The following STOX2 variants were observed in gnomAD, a reference collection of about 807,000 sequenced individuals.
The protein encoded by STOX2 is storkhead box 2.
Under a neutral mutation model 60.9 loss-of-function variants are expected in STOX2, and 28 were observed. The observed-to-expected ratio is 0.46, with a 90% CI of 0.34 to 0.63. The LOEUF is 0.63. Among genes scored for constraint, STOX2 ranks in the 30% least tolerant of loss-of-function variants. STOX2 has a pLI of 0.01. For missense variants in STOX2, 1,024 were observed against 1,187.7 expected (o/e 0.86, Z 2.03); for synonymous variants, 472 against 463.9 (o/e 1.02, Z -0.22).
At chr4:183,830,954 A>T (rs1739551682) in intron 1 of STOX2, among the ~76,000 whole-genome samples, 1 of 146,542 alleles carries the variant, frequency 6.8e-6, no homozygotes, top group Admixed American at 7.0e-5. Context: ...TTTCAGTTTC[A>T]AAGTTGCAGG....
chr4:183,999,001 G>A (rs1733468094), intron 1 of STOX2, among the ~76,000 whole-genome samples: 1 of 151,960 alleles, frequency 6.6e-6, no homozygotes, highest in African/African-American at 2.4e-5. Flanking sequence ...CTATGATTGT[G>A]CCATTTCACT....
At chr4:183,844,810 G>A (rs75471923) in intron 1 of STOX2, among the ~76,000 whole-genome samples, 1,721 of 152,262 alleles carry the variant, frequency 0.011, 49 homozygotes, top group East Asian at 0.11. Context: ...TGAGCACCTC[G>A]CCTACTATGT....
chr4:183,962,315 A>T (rs1043623570), intron 1 of STOX2, among the ~76,000 whole-genome samples: 1 of 152,106 alleles, frequency 6.6e-6, no homozygotes, highest in African/African-American at 2.4e-5. Context: ...GTGTAACTAT[A>T]TAGTAATCGT....
At chr4:183,938,982 A>G (rs898246256) in intron 1 of STOX2, among the ~76,000 whole-genome samples, 1 of 152,256 alleles carries the variant, frequency 6.6e-6, no homozygotes, top group Non-Finnish European at 1.5e-5. Context: ...TTAAAAATGC[A>G]GGCCATTAAT....
At chr4:183,962,050 G>T (rs543069234) in intron 1 of STOX2, among the ~76,000 whole-genome samples, 1 of 152,314 alleles carries the variant, frequency 6.6e-6, no homozygotes, top group East Asian at 1.9e-4. Flanking sequence ...ATAAACATTT[G>T]ATTGTTCTGT....
rs112717934 is a variant in STOX2 at position 184,010,896 on chromosome 4, C to G, written c.2058C>G (p.Ala686=). ...GACGCCTCGTCCAGCACCATGGTGC[C>G]GAGCCCAGCAGCTTGGACAAGAGGA... The part of the protein sequence containing the change: ...ANGRLVQHHG[A]EPSSLDKRKE... Residue 686 remains alanine (A), a synonymous_variant, in exon 3 of 4, where the codon GCC becomes GCG. Coordinates refer to ENST00000308497, the MANE Select transcript of STOX2 (RefSeq NM_020225.3). This position sits in a 1 kb window ranked among gnomAD's most constrained non-coding sequence, Gnocchi z 4.5. The G allele has an allele frequency of 6.0e-5, 97 of 1,612,626 alleles. No individual in the cohort carries two copies. Among genetic ancestry groups the G allele is most frequent in the Non-Finnish European group, 7.4e-5 (87 of 1,179,348 alleles).
intron 1 of STOX2, among the ~76,000 whole-genome samples, chr4:183,994,373 A>G (rs1390501828): frequency 6.6e-6 from 1 of 152,256 alleles, no homozygotes; most frequent in Non-Finnish European, 1.5e-5. Context: ...AACAAAGCTG[A>G]GCAAGACTTT....
In STOX2 at chr4:183,874,985, ATATAT is replaced by A. The variant is rs1560857908; in HGVS notation, c.364+76931_364+76935del. Among the ~76,000 whole-genome samples the A allele has an allele frequency of 6.9e-3, 701 of 101,886 alleles. 11 individuals are homozygous for A. The highest frequency in any genetic ancestry group is 0.015 in the African/African-American group (348 of 23,654). 66.8% of individuals were successfully genotyped at this position (101,886 alleles called of 152,430 possible). On this transcript the variant is annotated intron_variant, in intron 1 of 2. Coordinates refer to the STOX2 transcript ENST00000513034. ...TATATATATATATATATATATATATATATATATAAAACTTAGAATTTTGCAGTGTG... is the reference window on the plus strand; with the variant it reads ...TATATATATATATATATATATATATAATAAAACTTAGAATTTTGCAGTGTG...
At chr4:183,905,041 G>C (rs76494170), upstream of STOX2, among the ~76,000 whole-genome samples, 5,375 of 152,312 alleles carry the variant, frequency 0.035, 98 homozygotes, top group Middle Eastern at 0.088. Context: ...CGCTGAAAAA[G>C]GAAATCGGGC....
intron 1 of STOX2, among the ~76,000 whole-genome samples, chr4:183,852,032 G>A (rs377370833): frequency 1.8e-5 from 1 of 55,516 alleles, no homozygotes; most frequent in Admixed American, 1.6e-4. Context: ...AAAGGATGAG[G>A]GAAAGGATGA....
intron 1 of STOX2, among the ~76,000 whole-genome samples, chr4:183,950,509 T>C (rs1743035806): frequency 1.3e-5 from 2 of 152,124 alleles, no homozygotes; most frequent in African/African-American, 4.8e-5. Flanking sequence ...CTGGAGCTCC[T>C]GGGCAGATCA....
chr4:183,838,459 GT>G (rs1217378843), intron 1 of STOX2, among the ~76,000 whole-genome samples: 1 of 151,890 alleles, frequency 6.6e-6, no homozygotes, highest in African/African-American at 2.4e-5. Flanking sequence ...CTTTTAGATA[GT>G]TTTGAGATTT....
chr4:183,924,302 C>T (rs960821926), intron 1 of STOX2, among the ~76,000 whole-genome samples: 12 of 152,094 alleles, frequency 7.9e-5, no homozygotes, highest in East Asian at 1.9e-4. Flanking sequence ...GAAACCACTG[C>T]GGGACAGTGG....
At chr4:183,801,588 G>A (rs1284595230) in intron 1 of STOX2, among the ~76,000 whole-genome samples, 1 of 152,206 alleles carries the variant, frequency 6.6e-6, no homozygotes, top group Non-Finnish European at 1.5e-5. Flanking sequence ...GGTTTCCCAG[G>A]TATGAGGCTT....
At chr4:183,816,027 T>A (rs1410211252) in intron 1 of STOX2, among the ~76,000 whole-genome samples, 1 of 152,220 alleles carries the variant, frequency 6.6e-6, no homozygotes, top group African/African-American at 2.4e-5. Context: ...AACATCTTCC[T>A]CACTTTGCAG....
At chr4:183,837,842 TTTTG>T (rs1316190806) in intron 1 of STOX2, among the ~76,000 whole-genome samples, 1 of 152,154 alleles carries the variant, frequency 6.6e-6, no homozygotes, top group African/African-American at 2.4e-5. Context: ...GTATACCAAA[TTTTG>T]TTTATCTGTT....
At chr4:183,905,227 C>G (rs1397573364), upstream of STOX2, 1 of 152,334 alleles carries the variant, frequency 6.6e-6, no homozygotes, top group Non-Finnish European at 1.5e-5. Flanking sequence ...GCCCAGCGCC[C>G]AGGCCCGGGC....
intron 1 of STOX2, among the ~76,000 whole-genome samples, chr4:183,850,438 A>G (rs924081297): frequency 6.6e-6 from 1 of 152,100 alleles, no homozygotes; most frequent in Non-Finnish European, 1.5e-5. Context: ...TTTTAAAAAA[A>G]GTCAAAAGGG....
intron 1 of STOX2, among the ~76,000 whole-genome samples, chr4:183,912,446 AG>A (rs755009478): frequency 5.9e-5 from 9 of 152,160 alleles, no homozygotes; most frequent in Non-Finnish European, 1.3e-4. Flanking sequence ...TACCTGCATC[AG>A]CGCCTGTCAC....
Sources: gnomAD v4.1 joint callset for allele counts (sites outside exome capture counted in the v4.1 genomes callset) on GRCh38, gnomAD v4.1.1 for gene constraint, Gnocchi (gnomAD v3.1) non-coding constraint, MANE v1.5 for transcripts, NCBI Gene and HGNC (gene_info 2026-07-23, HGNC 2026-07-21) for gene names.